The following HIPK3 variants were observed in gnomAD, a reference collection of about 807,000 sequenced individuals.
HIPK3 encodes homeodomain-interacting protein kinase 3.
HIPK3 carries 47 observed loss-of-function variants against 124.2 expected under a neutral mutation model. The ratio of observed to expected loss-of-function variants is 0.38; its 90% CI spans 0.30 to 0.48. The LOEUF is 0.48. HIPK3 is among the 20% of genes least tolerant of loss of function. The pLI, the probability that HIPK3 is intolerant of heterozygous loss-of-function variation, is 0.98. For missense variants in HIPK3, 1,286 were observed against 1,454.3 expected (o/e 0.88, Z 1.88); for synonymous variants, 482 against 515.2 (o/e 0.94, Z 0.87).
chr11:33,341,307 C>T (rs1008275578), intron 7 of HIPK3, among the ~76,000 whole-genome samples, 180 bp downstream of exon 7: 5 of 152,042 alleles, frequency 3.3e-5, no homozygotes, highest in East Asian at 1.9e-4. Flanking sequence ...ATATCTACTC[C>T]GATTCACTTT....
At position 33,272,068 on chromosome 11, in the gene HIPK3, G is replaced by C. The variant is rs377405036; in HGVS notation, c.-3+14179G>C. Reference sequence around the variant, plus strand: ...TAAAGTTAATGATTAGATGTAGTTAGGGCCAGATAGAAGCAGTTGTAATAG... The same window carrying C: ...TAAAGTTAATGATTAGATGTAGTTACGGCCAGATAGAAGCAGTTGTAATAG... On this transcript the variant is annotated intron_variant, in intron 1 of 16. Transcript: ENST00000303296. 3.1e-4 allele frequency among the ~76,000 whole-genome samples: 47 copies of C among 152,288 alleles called. No homozygotes were observed. The East Asian group carries it at 5.8e-3, about 19-fold the overall frequency.
intron 2 of HIPK3, 79 bp downstream of exon 2, chr11:33,287,590 TG>T: frequency 6.9e-7 from 1 of 1,454,778 alleles, no homozygotes; most frequent in Non-Finnish European, 9.3e-7. Context: ...TGTGTGTTTG[TG>T]GTAGAAGAGA....
chr11:33,259,607 C>T (rs1850770632), intron 1 of HIPK3, among the ~76,000 whole-genome samples: 1 of 152,266 alleles, frequency 6.6e-6, no homozygotes, highest in South Asian at 2.1e-4. Context: ...TGGCTGCATT[C>T]ATAAAGTGTA....
At chr11:33,277,066 A>AT (rs758887735) in intron 1 of HIPK3, among the ~76,000 whole-genome samples, 1 of 152,166 alleles carries the variant, frequency 6.6e-6, no homozygotes, top group Non-Finnish European at 1.5e-5. Flanking sequence ...TCTCTGATAG[A>AT]TTTTTTACCT....
chr11:33,348,436 T>G (rs1320584897), intron 12 of HIPK3, 86 bp from the exon 13 acceptor site: 1 of 1,196,298 alleles, frequency 8.4e-7, no homozygotes, highest in Non-Finnish European at 1.2e-6. Context: ...GTGAAGGTTC[T>G]CATTTTCTGG....
intron 3 of HIPK3, chr11:33,335,774 A>G (rs1379178003): frequency 6.6e-6 from 1 of 152,138 alleles, no homozygotes; most frequent in African/African-American, 2.4e-5. Context: ...GAGGTTAAAA[A>G]AACATCTTTG....
intron 9 of HIPK3, 33 bp downstream of exon 9, chr11:33,347,447 G>A: frequency 6.2e-7 from 1 of 1,611,806 alleles, no homozygotes; most frequent in East Asian, 2.2e-5. Flanking sequence ...CCATATATCA[G>A]CTTGTGCTTT....
chr11:33,333,864 TTATC>T (rs1186787148), intron 3 of HIPK3, among the ~76,000 whole-genome samples: 1 of 152,250 alleles, frequency 6.6e-6, no homozygotes, highest in African/African-American at 2.4e-5. Context: ...GGCACCATAT[TTATC>T]TACATGTCTT....
At chr11:33,351,519 C>T (rs755904772) in intron 14 of HIPK3, 89 bp from the exon 15 acceptor site, 3 of 814,906 alleles carry the variant, frequency 3.7e-6, no homozygotes, top group South Asian at 1.7e-5. Flanking sequence ...ATAATGTTCT[C>T]ATCAGTTCAC....
intron 2 of HIPK3, among the ~76,000 whole-genome samples, chr11:33,303,935 ATG>A (rs1193033636): frequency 6.6e-6 from 1 of 152,028 alleles, no homozygotes; most frequent in African/African-American, 2.4e-5. Flanking sequence ...TTTGATATAT[ATG>A]TGTATATATA....
At chr11:33,303,319 C>T (rs1248287526) in intron 2 of HIPK3, among the ~76,000 whole-genome samples, 2 of 152,010 alleles carry the variant, frequency 1.3e-5, no homozygotes, top group Non-Finnish European at 2.9e-5. Context: ...GGAATATTTA[C>T]AAGGAAAAAA....
chr11:33,311,223 A>C (rs1279746930), intron 2 of HIPK3, among the ~76,000 whole-genome samples: 1 of 152,046 alleles, frequency 6.6e-6, no homozygotes, highest in Admixed American at 6.5e-5. Flanking sequence ...GTCTTGCTTT[A>C]TGGCCAGGCT....
At chr11:33,260,064 CTGGTCAT>C (rs1439728770) in intron 1 of HIPK3, among the ~76,000 whole-genome samples, 1 of 152,072 alleles carries the variant, frequency 6.6e-6, no homozygotes, top group East Asian at 1.9e-4. Context: ...TGCTTATAAA[CTGGTCAT>C]TGGCTTTTGG....
intron 1 of HIPK3, among the ~76,000 whole-genome samples, chr11:33,267,499 A>AT (rs981509501): frequency 4.9e-4 from 68 of 138,950 alleles, no homozygotes; most frequent in African/African-American, 1.7e-3. Context: ...TATTATTATT[A>AT]TTATTTTTTT....
At chr11:33,326,706 C>G (rs1385928927) in intron 2 of HIPK3, among the ~76,000 whole-genome samples, 1 of 151,352 alleles carries the variant, frequency 6.6e-6, no homozygotes, top group East Asian at 1.9e-4. Flanking sequence ...GAGCCTGGCT[C>G]TGTCCCTCAG....
chr11:33,306,465 CT>C (rs11408287), intron 2 of HIPK3, among the ~76,000 whole-genome samples: 78 of 151,708 alleles, frequency 5.1e-4, no homozygotes, highest in Middle Eastern at 3.4e-3. Flanking sequence ...CTCTAAATTG[CT>C]TTTTTTTAAA....
At chr11:33,285,273 C>T (rs1851516594) in intron 1 of HIPK3, among the ~76,000 whole-genome samples, 1 of 151,848 alleles carries the variant, frequency 6.6e-6, no homozygotes, top group Admixed American at 6.6e-5. Flanking sequence ...ATCTGTTTTT[C>T]AAATATGATT....
At chr11:33,295,149 A>G (rs1174406172) in intron 2 of HIPK3, among the ~76,000 whole-genome samples, 2 of 152,160 alleles carry the variant, frequency 1.3e-5, no homozygotes, top group African/African-American at 4.8e-5. Context: ...GATAATGAGA[A>G]TAGACCCATT....
At chr11:33,352,083 T>A in intron 15 of HIPK3, 55 bp from the exon 16 acceptor site, 2 of 1,531,706 alleles carry the variant, frequency 1.3e-6, no homozygotes, top group Non-Finnish European at 1.8e-6. Flanking sequence ...ACTTTGCTAA[T>A]TTTTTATTTG....
Sources: allele counts gnomAD v4.1 joint callset (sites outside exome capture counted in the v4.1 genomes callset), GRCh38; gene constraint gnomAD v4.1.1; transcripts MANE v1.5; gene names NCBI Gene and HGNC (gene_info 2026-07-23, HGNC 2026-07-21).